Variants in PLXNA4 observed in about 807,000 individuals in gnomAD.
PLXNA4 encodes plexin-A4.
PLXNA4 carries 44 observed loss-of-function variants against 191.8 expected under a neutral mutation model. The observed-to-expected ratio is 0.23, with a 90% CI of 0.18 to 0.29. The LOEUF (loss-of-function observed/expected upper bound fraction) is 0.29, where lower values mean the gene tolerates loss of function less well. PLXNA4 is among the 10% of genes least tolerant of loss of function. The pLI is 1.00. For missense variants in PLXNA4, 1,800 were observed against 2,488.8 expected, an observed-to-expected ratio of 0.72 and a Z score of 5.89; for synonymous variants, 1,082 against 1,009.5, an observed-to-expected ratio of 1.07 and a Z score of -1.36.
chr7:132,426,585 A>G (rs1229023427), intron 3 of PLXNA4, among the ~76,000 whole-genome samples: 2 of 152,176 alleles, frequency 1.3e-5, no homozygotes, highest in African/African-American at 4.8e-5. Context: ...ATTTAGTACC[A>G]TCTAAAGTCC....
chr7:132,238,520 C>A (rs1295597217), intron 5 of PLXNA4, among the ~76,000 whole-genome samples: 1 of 152,220 alleles, frequency 6.6e-6, no homozygotes, highest in Non-Finnish European at 1.5e-5. Context: ...CACTGTGGCT[C>A]CTTGAGCAAC....
At chr7:132,202,300 G>A (rs1797463426) in intron 12 of PLXNA4, among the ~76,000 whole-genome samples, 2 of 152,172 alleles carry the variant, frequency 1.3e-5, no homozygotes, top group African/African-American at 4.8e-5. Flanking sequence ...CACTTGGTGA[G>A]GATGCCAAAG....
At chr7:132,597,872 TAC>T (rs1802745922) in intron 2 of PLXNA4, among the ~76,000 whole-genome samples, 1 of 151,650 alleles carries the variant, frequency 6.6e-6, no homozygotes, top group African/African-American at 2.4e-5. Context: ...TATATATATA[TAC>T]ATCCAATCTG....
At chr7:132,201,347 G>C (rs1490613497) in intron 12 of PLXNA4, among the ~76,000 whole-genome samples, 1 of 152,192 alleles carries the variant, frequency 6.6e-6, no homozygotes, top group African/African-American at 2.4e-5. Flanking sequence ...AATAGAACAG[G>C]TAGTTGTTTG....
At chr7:132,212,439 G>A (rs1261130782) in intron 9 of PLXNA4, among the ~76,000 whole-genome samples, 2 of 152,178 alleles carry the variant, frequency 1.3e-5, no homozygotes, top group African/African-American at 4.8e-5. Context: ...ACAAGACTTA[G>A]GCTCAGAGGG....
chr7:132,206,223 C>T lies in PLXNA4; in HGVS notation c.2299-2804G>A, dbSNP rs112551969. On this transcript the variant is annotated intron_variant, in intron 10 of 31. Coordinates refer to ENST00000321063, the MANE Select transcript of PLXNA4 (RefSeq NM_020911.2). The stretch of plus-strand genomic sequence containing the variant: ...ATTCAAGATCATGCACAGCATGCTC[C>T]GAGCATAGTATCTGTCATATAGTCT... Among the ~76,000 whole-genome samples, 789 of 152,276 alleles carry T rather than the reference C, an allele frequency of 5.2e-3. 4 individuals carry two copies. The highest frequency in any genetic ancestry group is 7.6e-3 in the Non-Finnish European group (515 of 68,016).
intron 3 of PLXNA4, among the ~76,000 whole-genome samples, chr7:132,331,427 T>C (rs1381654310): frequency 6.6e-6 from 1 of 152,334 alleles, no homozygotes; most frequent in Admixed American, 6.5e-5. Flanking sequence ...TCAGAGCCAC[T>C]GGCCCAGGAA....
rs1211538538 is a variant in PLXNA4, at chr7:132,194,104, C to A, written c.2814G>T (p.Arg938=). 6.2e-7 allele frequency: 1 copy of A among 1,613,522 alleles called. No individual in the cohort carries two copies. The highest frequency in any genetic ancestry group is 1.3e-5 in the African/African-American group (1 of 74,782). ...GTGAGGACCGGGCCATGAATTCAGG[C>A]CGACACACAGCCACGCAGATCTCCA... is the stretch of plus-strand genomic sequence containing the variant. ...GFVEICVAVC[R]PEFMARSSQL... is the part of the protein sequence containing the mutation. Residue 938 remains arginine, a synonymous_variant, in exon 14 of 32, where the codon CGG becomes CGT. Coordinates refer to ENST00000321063, the MANE Select transcript of PLXNA4 (RefSeq NM_020911.2).
chr7:132,411,540 GAA>G (rs755774417), intron 3 of PLXNA4, among the ~76,000 whole-genome samples: 10 of 152,182 alleles, frequency 6.6e-5, no homozygotes, highest in Non-Finnish European at 1.5e-4. Context: ...GCTGTTTTTG[GAA>G]ACCTGGGTCT....
At chr7:132,195,122 T>G (rs969785382) in intron 13 of PLXNA4, among the ~76,000 whole-genome samples, 2 of 152,246 alleles carry the variant, frequency 1.3e-5, no homozygotes, top group African/African-American at 4.8e-5. Context: ...AACATAAATG[T>G]GTTTTTACAT....
intron 3 of PLXNA4, among the ~76,000 whole-genome samples, chr7:132,483,564 C>T (rs780035350): frequency 6.6e-6 from 1 of 152,206 alleles, no homozygotes; most frequent in Non-Finnish European, 1.5e-5. Context: ...GTGCGTCTGA[C>T]ATTTGTGTAT....
chr7:132,150,563 T>C (rs1002582951), intron 25 of PLXNA4, among the ~76,000 whole-genome samples: 1 of 151,986 alleles, frequency 6.6e-6, no homozygotes, highest in African/African-American at 2.4e-5. Context: ...ATATTTAGGG[T>C]AGGGAGAGGG....
intron 2 of PLXNA4, among the ~76,000 whole-genome samples, chr7:132,492,125 A>C (rs771204589): frequency 6.6e-6 from 1 of 152,146 alleles, no homozygotes; most frequent in Non-Finnish European, 1.5e-5. Context: ...CCATTTTCTG[A>C]GTAGATGTGG....
intron 3 of PLXNA4, among the ~76,000 whole-genome samples, chr7:132,392,875 T>C (rs183535687): frequency 2.6e-3 from 398 of 152,142 alleles, no homozygotes; most frequent in African/African-American, 8.7e-3. Context: ...ACAGGCGTGA[T>C]CATTCACAAA....
chr7:132,486,603 C>G (rs751566906), intron 3 of PLXNA4, among the ~76,000 whole-genome samples: 1 of 152,194 alleles, frequency 6.6e-6, no homozygotes, highest in Non-Finnish European at 1.5e-5. Flanking sequence ...CCGGGAGGAC[C>G]GAAGGCTCAT....
chr7:132,480,628 G>A (rs1321754429), intron 3 of PLXNA4, among the ~76,000 whole-genome samples: 2 of 152,098 alleles, frequency 1.3e-5, no homozygotes, highest in African/African-American at 4.8e-5. Flanking sequence ...GGCTCTAGGA[G>A]GGACAATTCC....
intron 1 of PLXNA4, among the ~76,000 whole-genome samples, chr7:132,522,633 A>G (rs1333430465): frequency 2.0e-5 from 3 of 152,192 alleles, no homozygotes; most frequent in Non-Finnish European, 4.4e-5. Context: ...TTAGCCAGGC[A>G]TGGTGGCACA....
At chr7:132,369,514 A>AG (rs1470565432) in intron 3 of PLXNA4, among the ~76,000 whole-genome samples, 1 of 152,088 alleles carries the variant, frequency 6.6e-6, no homozygotes, top group East Asian at 1.9e-4. Context: ...GGAAGAAGCC[A>AG]GGGGGGCTGT....
intron 2 of PLXNA4, among the ~76,000 whole-genome samples, chr7:132,499,363 G>A (rs865932213): frequency 2.0e-5 from 3 of 152,258 alleles, no homozygotes; most frequent in Non-Finnish European, 4.4e-5. Flanking sequence ...CCTGGGGGCT[G>A]GTTTAGCAAC....
Sources: allele counts gnomAD v4.1 joint callset (sites outside exome capture counted in the v4.1 genomes callset), GRCh38; gene constraint gnomAD v4.1.1; transcripts MANE v1.5; gene names NCBI Gene and HGNC (gene_info 2026-07-23, HGNC 2026-07-21).